The following LINGO2 variants were observed in gnomAD, a reference collection of about 807,000 sequenced individuals.
LINGO2 encodes the protein leucine-rich repeat and immunoglobulin-like domain-containing nogo receptor-interacting protein 2.
Under a neutral mutation model 30.6 loss-of-function variants are expected in LINGO2, and 14 were observed. The observed-to-expected ratio is 0.46, with a 90% CI of 0.30 to 0.72. The LOEUF (loss-of-function observed/expected upper bound fraction) is 0.72. LINGO2 is among the 30% of genes least tolerant of loss of function. The pLI is 0.07. For missense variants in LINGO2, 729 were observed against 751.7 expected (o/e 0.97, Z 0.35); for synonymous variants, 317 against 288.5 (o/e 1.10, Z -1.00).
chr9:29,207,133 AATATATAT>A, the LINGO2 span, among the ~76,000 whole-genome samples: 1 of 150,956 alleles, frequency 6.6e-6, no homozygotes, highest in Non-Finnish European at 1.5e-5. Flanking sequence ...ACATAGACAG[AATATATAT>A]ATATAAAGTA....
chr9:28,341,170 G>A (rs1380577297), intron 3 of LINGO2, among the ~76,000 whole-genome samples: 1 of 151,940 alleles, frequency 6.6e-6, no homozygotes, highest in East Asian at 1.9e-4. Flanking sequence ...ATATGCCTGG[G>A]CCATTTTAAA....
chr9:29,179,303 G>A, the LINGO2 span, among the ~76,000 whole-genome samples: 1 of 150,760 alleles, frequency 6.6e-6, no homozygotes, highest in Non-Finnish European at 1.5e-5. Flanking sequence ...TAGTCCCAGG[G>A]AGGCTTGTTT....
chr9:28,590,984 A>G (rs1279608324), intron 1 of LINGO2, among the ~76,000 whole-genome samples: 5 of 152,160 alleles, frequency 3.3e-5, no homozygotes, highest in African/African-American at 1.2e-4. Context: ...AGCCATAAAA[A>G]ACGATGAGTT....
chr9:28,012,665 C>G (rs1822619907), intron 4 of LINGO2, among the ~76,000 whole-genome samples: 1 of 152,072 alleles, frequency 6.6e-6, no homozygotes, highest in South Asian at 2.1e-4. Context: ...ACACTTTACT[C>G]CACAAGCCAG....
chr9:28,387,699 G>A (rs368949716), intron 2 of LINGO2, among the ~76,000 whole-genome samples: 2 of 152,064 alleles, frequency 1.3e-5, no homozygotes, highest in Non-Finnish European at 2.9e-5. Context: ...CACTCACTGC[G>A]AAGGTTTGCA....
At chr9:28,408,077 C>T (rs111252874) in intron 2 of LINGO2, among the ~76,000 whole-genome samples, 47 of 152,106 alleles carry the variant, frequency 3.1e-4, no homozygotes, top group African/African-American at 1.1e-3. Flanking sequence ...TTTTCAACAA[C>T]CCTGTTATCT....
the LINGO2 span, among the ~76,000 whole-genome samples, chr9:28,999,492 A>G: frequency 1.3e-5 from 2 of 152,070 alleles, no homozygotes; most frequent in African/African-American, 4.8e-5. Context: ...ATAGGAGTTC[A>G]ATAAATATTG....
chr9:28,598,456 A>C (rs569141506), intron 1 of LINGO2, among the ~76,000 whole-genome samples: 204 of 139,782 alleles, frequency 1.5e-3, no homozygotes, highest in African/African-American at 5.0e-3. Context: ...AACAAACAAA[A>C]AAAACGCCAA....
chr9:29,120,945 T>C, the LINGO2 span, among the ~76,000 whole-genome samples: 1 of 152,138 alleles, frequency 6.6e-6, no homozygotes, highest in African/African-American at 2.4e-5. Context: ...TCTCTTACAA[T>C]ATAACTAAAT....
intron 4 of LINGO2, among the ~76,000 whole-genome samples, chr9:28,073,183 A>G (rs1354769241): frequency 6.6e-6 from 1 of 152,008 alleles, no homozygotes; most frequent in Admixed American, 6.6e-5. Context: ...CCAGCAGCTG[A>G]CGGGATGGAG....
intron 4 of LINGO2, among the ~76,000 whole-genome samples, chr9:28,065,157 A>G (rs930596925): frequency 1.3e-5 from 2 of 151,728 alleles, no homozygotes; most frequent in African/African-American, 2.4e-5. Context: ...TGGGATTGGG[A>G]GAGATCAAAC....
intron 3 of LINGO2, among the ~76,000 whole-genome samples, chr9:28,318,277 T>C (rs948104064): frequency 5.3e-5 from 8 of 152,182 alleles, no homozygotes; most frequent in African/African-American, 1.9e-4. Flanking sequence ...TCATTGTAAA[T>C]TAGCACTTGA....
At chr9:28,157,639 G>A (rs552945787) in intron 4 of LINGO2, among the ~76,000 whole-genome samples, 77 of 152,184 alleles carry the variant, frequency 5.1e-4, no homozygotes, top group African/African-American at 1.8e-3. Flanking sequence ...CAAATTTTCT[G>A]AACTTTTATG....
chr9:28,749,707 C>T, the LINGO2 span, among the ~76,000 whole-genome samples: 5 of 151,928 alleles, frequency 3.3e-5, no homozygotes, highest in Admixed American at 2.6e-4. Context: ...CGTGGAAGGT[C>T]CTACAAAATG....
chr9:28,956,379 T>C, the LINGO2 span, among the ~76,000 whole-genome samples: 1 of 152,118 alleles, frequency 6.6e-6, no homozygotes. Flanking sequence ...TTCAGGTTAA[T>C]ATTTAAAAAC....
At chr9:28,499,852 T>G (rs972683221) in intron 1 of LINGO2, among the ~76,000 whole-genome samples, 6 of 152,164 alleles carry the variant, frequency 3.9e-5, no homozygotes, top group African/African-American at 1.4e-4. Context: ...AATTAGAGAA[T>G]AGTAGATAAG....
At chr9:28,678,782 C>T in the LINGO2 span, among the ~76,000 whole-genome samples, 1 of 152,078 alleles carries the variant, frequency 6.6e-6, no homozygotes. Flanking sequence ...TCCTGATAAA[C>T]ATGCAAACTT....
At chr9:28,327,939 A>G (rs1277803584) in intron 3 of LINGO2, among the ~76,000 whole-genome samples, 1 of 152,180 alleles carries the variant, frequency 6.6e-6, no homozygotes, top group Non-Finnish European at 1.5e-5. Context: ...AAGAAAAAAA[A>G]TAAGAGTGGA....
At chr9:27,943,594 TG>T (rs1823250730), downstream of LINGO2, 1 of 143,274 alleles carries the variant, frequency 7.0e-6, no homozygotes, top group Non-Finnish European at 1.5e-5. Context: ...ACTTTTAAAG[TG>T]TTATGTGAGA....
Sources: allele counts gnomAD v4.1 joint callset (sites outside exome capture counted in the v4.1 genomes callset), GRCh38; gene constraint gnomAD v4.1.1; transcripts MANE v1.5; gene names NCBI Gene and HGNC (gene_info 2026-07-23, HGNC 2026-07-21).